HCN1: variants seen among roughly 807,000 people sequenced by gnomAD.
HCN1 encodes the protein hyperpolarization activated cyclic nucleotide gated potassium channel 1.
Under a neutral mutation model 78.9 loss-of-function variants are expected in HCN1, and 13 were observed. That is an observed-to-expected ratio of 0.16 (90% CI 0.11 to 0.26). The LOEUF (loss-of-function observed/expected upper bound fraction) is 0.26, where lower values mean the gene tolerates loss of function less well. Among genes scored for constraint, HCN1 ranks in the 10% least tolerant of loss-of-function variants. HCN1 has a pLI of 1.00. For synonymous variants in HCN1, 552 were observed against 455.5 expected, an observed-to-expected ratio of 1.21 and a Z score of -2.70; for missense variants, 810 against 1,154.3, an observed-to-expected ratio of 0.70 and a Z score of 4.32.
intron 6 of HCN1, among the ~76,000 whole-genome samples, chr5:45,297,778 C>T (rs182398099): frequency 4.8e-4 from 73 of 152,132 alleles, no homozygotes; most frequent in Non-Finnish European, 8.8e-5. Context: ...TTATTTTAGG[C>T]ATGCAAGGCT....
In HCN1 at chr5:45,334,865, T is replaced by A. The variant is rs1290977696; in HGVS notation, c.1377+18235A>T. ...GCTTCACAGTATGATTATGGCCATT[T>A]TAGTTAACTTTAAACACATTTTTAG... On this transcript the variant is annotated intron_variant, in intron 5 of 7. Coordinates refer to ENST00000303230, the MANE Select transcript of HCN1 (RefSeq NM_021072.4). 3.3e-5 allele frequency among the ~76,000 whole-genome samples: 5 copies of A among 152,040 alleles called. No individual in the cohort carries two copies. The East Asian group carries it at 5.8e-4, about 18-fold the overall frequency.
chr5:45,346,949 CA>C (rs1561116944), intron 5 of HCN1, among the ~76,000 whole-genome samples: 1 of 152,178 alleles, frequency 6.6e-6, no homozygotes, highest in Non-Finnish European at 1.5e-5. Context: ...CACAGACAAA[CA>C]AAAAGACAGC....
At chr5:45,416,805 T>C (rs1740127563) in intron 3 of HCN1, among the ~76,000 whole-genome samples, 1 of 151,952 alleles carries the variant, frequency 6.6e-6, no homozygotes. Context: ...AGTTTTCCCA[T>C]AGAAGAATAA....
chr5:45,468,868 T>C (rs143749410), intron 2 of HCN1, among the ~76,000 whole-genome samples: 4 of 152,146 alleles, frequency 2.6e-5, no homozygotes, highest in Non-Finnish European at 5.9e-5. Flanking sequence ...TCAACAAATG[T>C]TTTTCCTCCT....
chr5:45,373,384 A>G lies in HCN1; in HGVS notation c.1231-20138T>C, dbSNP rs1350227341. On this transcript the variant is annotated intron_variant, in intron 4 of 7. Coordinates refer to ENST00000303230, the MANE Select transcript of HCN1 (RefSeq NM_021072.4). ...AAATATAATATATATTTTATATAATATATGTAAATATATATTATATAAAAT... is the reference window on the plus strand; with the variant it reads ...AAATATAATATATATTTTATATAATGTATGTAAATATATATTATATAAAAT... Among the ~76,000 whole-genome samples, 5 of 106,962 alleles carry G rather than the reference A, an allele frequency of 4.7e-5. 1 individual carries two copies. Among genetic ancestry groups the G allele is most frequent in the African/African-American group, 1.9e-4 (4 of 21,188 alleles). 70.2% of individuals were successfully genotyped at this position (106,962 alleles called of 152,430 possible). A position where few individuals can be genotyped will look rare whatever the true frequency, so the allele number is the denominator to read the frequency against.
intron 6 of HCN1, among the ~76,000 whole-genome samples, chr5:45,290,576 A>T (rs1745350703): frequency 6.6e-6 from 1 of 152,132 alleles, no homozygotes. Flanking sequence ...TGTAAAAAAA[A>T]GACACCATTT....
chr5:45,465,951 T>C (rs531360685), intron 2 of HCN1, among the ~76,000 whole-genome samples: 27 of 152,272 alleles, frequency 1.8e-4, no homozygotes, highest in Middle Eastern at 3.4e-3. Context: ...TAGAATTTTA[T>C]TTAGTTGGAG....
intron 4 of HCN1, among the ~76,000 whole-genome samples, chr5:45,373,159 ATATG>A (rs201481186): frequency 0.014 from 1,809 of 126,022 alleles, 54 homozygotes; most frequent in African/African-American, 0.052. Context: ...ATATAAAAAT[ATATG>A]TACTTTATAA....
chr5:45,615,963 G>A (rs1487647285), intron 2 of HCN1, among the ~76,000 whole-genome samples: 2 of 150,778 alleles, frequency 1.3e-5, no homozygotes, highest in African/African-American at 2.4e-5. Context: ...ATAAAAGAAC[G>A]TCTATAAAGA....
At chr5:45,377,440 GTCTGA>G (rs1561133064) in intron 4 of HCN1, among the ~76,000 whole-genome samples, 1 of 151,638 alleles carries the variant, frequency 6.6e-6, no homozygotes, top group African/African-American at 2.4e-5. Context: ...TTTCTTTGTG[GTCTGA>G]TCTATTTTTT....
At chr5:45,581,264 T>C (rs1381756874) in intron 2 of HCN1, among the ~76,000 whole-genome samples, 2 of 152,250 alleles carry the variant, frequency 1.3e-5, no homozygotes, top group African/African-American at 4.8e-5. Context: ...ATTGTGGTTT[T>C]GATTTGCATT....
chr5:45,395,800 T>C (rs1739674673), intron 4 of HCN1, among the ~76,000 whole-genome samples: 1 of 152,188 alleles, frequency 6.6e-6, no homozygotes, highest in African/African-American at 2.4e-5. Flanking sequence ...ATATTAGTAC[T>C]GTCCCAATAC....
At chr5:45,321,563 G>A (rs567414843) in intron 5 of HCN1, among the ~76,000 whole-genome samples, 6 of 151,886 alleles carry the variant, frequency 4.0e-5, no homozygotes, top group Admixed American at 2.6e-4. Flanking sequence ...TGAAAAAAAA[G>A]AGTCACTTTT....
At chr5:45,323,788 C>T (rs1262461519) in intron 5 of HCN1, among the ~76,000 whole-genome samples, 1 of 151,846 alleles carries the variant, frequency 6.6e-6, no homozygotes, top group African/African-American at 2.4e-5. Flanking sequence ...TTGTTCAGTT[C>T]CTACCTATGA....
chr5:45,658,542 A>C (rs1203287515), intron 1 of HCN1, among the ~76,000 whole-genome samples: 3 of 152,110 alleles, frequency 2.0e-5, no homozygotes, highest in Non-Finnish European at 4.4e-5. Context: ...ATCTGAGGTA[A>C]CGGGTTCATC....
chr5:45,463,262 G>A (rs1681281855), intron 2 of HCN1, among the ~76,000 whole-genome samples: 1 of 151,684 alleles, frequency 6.6e-6, no homozygotes, highest in Non-Finnish European at 1.5e-5. Context: ...AAAATGACAG[G>A]GCATCTGTGA....
chr5:45,395,365 T>C (rs963441628), intron 4 of HCN1, among the ~76,000 whole-genome samples: 2 of 152,208 alleles, frequency 1.3e-5, no homozygotes, highest in Admixed American at 6.6e-5. Context: ...TTCTTCGTTC[T>C]TTCCAATTCA....
At chr5:45,594,792 T>C (rs528075597) in intron 2 of HCN1, among the ~76,000 whole-genome samples, 2 of 152,320 alleles carry the variant, frequency 1.3e-5, no homozygotes, top group African/African-American at 4.8e-5. Context: ...TCTTCATCCC[T>C]AAGTAACCTC....
chr5:45,289,109 A>G (rs977091648), intron 6 of HCN1, among the ~76,000 whole-genome samples: 2 of 152,064 alleles, frequency 1.3e-5, no homozygotes, highest in Non-Finnish European at 2.9e-5. Flanking sequence ...AAACCTAAAT[A>G]CCTCACAATG....
Sources: allele counts gnomAD v4.1 joint callset (sites outside exome capture counted in the v4.1 genomes callset), GRCh38; gene constraint gnomAD v4.1.1; transcripts MANE v1.5; gene names NCBI Gene and HGNC (gene_info 2026-07-23, HGNC 2026-07-21).